Variants in IKZF3 observed in about 807,000 individuals in gnomAD.
The protein encoded by IKZF3 is zinc finger protein Aiolos.
In IKZF3, 10 loss-of-function variants were observed where a neutral mutation model predicts 49.0. The observed-to-expected ratio is 0.20, with a 90% confidence interval of 0.13 to 0.35. IKZF3 has a LOEUF of 0.35. Ranked by LOEUF, IKZF3 falls within the 10% of genes least tolerant of loss-of-function variation. IKZF3 has a pLI of 1.00. For missense variants in IKZF3, 498 were observed against 664.8 expected, an observed-to-expected ratio of 0.75 and a Z score of 2.76; for synonymous variants, 209 against 228.2, an observed-to-expected ratio of 0.92 and a Z score of 0.76.
chr17:39,855,463 C>G (rs932791556), intron 1 of IKZF3, among the ~76,000 whole-genome samples: 1 of 152,150 alleles, frequency 6.6e-6, no homozygotes, highest in East Asian at 1.9e-4. Context: ...AATTGGATTA[C>G]GTGTAAAAAT....
Position 39,783,952 on chromosome 17 carries a change from CA to C in IKZF3, c.709+4305del, listed in dbSNP as rs200517680. ...TCAAAACAAAAAACAAAAAACAAAA[CA>C]AAAAAAAATAGGTTGGGAAAACAAA... is the stretch of plus-strand genomic sequence containing the variant. On this transcript the variant is annotated intron_variant, in intron 6 of 7. Coordinates refer to ENST00000346872, the MANE Select transcript of IKZF3 (RefSeq NM_012481.5). 9.4e-5 allele frequency among the ~76,000 whole-genome samples: 14 copies of C among 149,710 alleles called. No individual in the cohort carries two copies. In the South Asian group the frequency reaches 1.1e-3, roughly 11 times the overall value.
chr17:39,809,118 T>C lies in IKZF3; in HGVS notation c.164-16185A>G, dbSNP rs531671015. Among the ~76,000 whole-genome samples, 10 of 152,356 alleles carry C rather than the reference T, an allele frequency of 6.6e-5. No homozygotes were observed. In the South Asian group the frequency reaches 1.9e-3, roughly 28 times the overall value. ...CACCAGACTGATGAATATAGTGAAA[T>C]ATCTATCGTGATCCCATTTTTACTT... On this transcript the variant is annotated intron_variant, in intron 3 of 7. Coordinates refer to ENST00000346872, the MANE Select transcript of IKZF3 (RefSeq NM_012481.5).
rs1052958626 is a variant in IKZF3, at chr17:39,803,817, T to C, written c.164-10884A>G. On this transcript the variant is annotated intron_variant, in intron 3 of 7. Coordinates refer to ENST00000346872, the MANE Select transcript of IKZF3 (RefSeq NM_012481.5). Reference sequence around the variant, plus strand: ...CGTGAGCCACCGCGCCCAGCCACTCTATCTTTTTTAAAAACAGGAATGAAA... The same window carrying C: ...CGTGAGCCACCGCGCCCAGCCACTCCATCTTTTTTAAAAACAGGAATGAAA... 2.0e-5 allele frequency among the ~76,000 whole-genome samples: 3 copies of C among 152,180 alleles called. No homozygotes were observed. In the South Asian group the frequency reaches 6.2e-4, roughly 32 times the overall value.
chr17:39,770,572 A>G (rs1023327134), intron 7 of IKZF3, among the ~76,000 whole-genome samples: 6 of 152,068 alleles, frequency 3.9e-5, no homozygotes, highest in African/African-American at 1.4e-4. Flanking sequence ...TAGAGCTAAA[A>G]GGGCCCTTAA....
intron 6 of IKZF3, chr17:39,778,234 C>T: frequency 2.1e-6 from 2 of 954,890 alleles, no homozygotes; most frequent in Non-Finnish European, 2.5e-6. Flanking sequence ...AATAGGTACA[C>T]TCACACAGAT....
intron 1 of IKZF3, among the ~76,000 whole-genome samples, chr17:39,843,517 TAC>T (rs1173902185): frequency 2.6e-5 from 4 of 152,016 alleles, no homozygotes; most frequent in Non-Finnish European, 4.4e-5. Context: ...TTTTAGTCAC[TAC>T]ACAGAAAGAT....
At chr17:39,810,541 A>G (rs1472093310) in intron 3 of IKZF3, among the ~76,000 whole-genome samples, 2 of 151,030 alleles carry the variant, frequency 1.3e-5, no homozygotes, top group Non-Finnish European at 2.9e-5. Flanking sequence ...CACTACCCCC[A>G]TGGAATTTTC....
At chr17:39,811,971 A>G (rs2061570573) in intron 3 of IKZF3, among the ~76,000 whole-genome samples, 1 of 152,210 alleles carries the variant, frequency 6.6e-6, no homozygotes, top group Non-Finnish European at 1.5e-5. Context: ...CACTTCTCAG[A>G]CAAGAGCAAG....
intron 1 of IKZF3, among the ~76,000 whole-genome samples, chr17:39,857,500 C>T (rs188057035): frequency 6.6e-6 from 1 of 152,062 alleles, no homozygotes; most frequent in Non-Finnish European, 1.5e-5. Flanking sequence ...AAAAAATGTA[C>T]CAAAATTATT....
intron 7 of IKZF3, 58 bp downstream of exon 7, chr17:39,777,593 A>G (rs997578772): frequency 5.8e-6 from 7 of 1,203,572 alleles, no homozygotes; most frequent in Admixed American, 1.8e-5. Flanking sequence ...CAAGCATCCT[A>G]TGTTATTTCA....
At chr17:39,842,921 G>A (rs2062521758) in intron 1 of IKZF3, among the ~76,000 whole-genome samples, 1 of 152,194 alleles carries the variant, frequency 6.6e-6, no homozygotes, top group African/African-American at 2.4e-5. Flanking sequence ...TTCTGATAGT[G>A]AGTAGAACAC....
At chr17:39,830,183 G>C (rs999261143) in intron 2 of IKZF3, among the ~76,000 whole-genome samples, 1 of 152,146 alleles carries the variant, frequency 6.6e-6, no homozygotes, top group Admixed American at 6.5e-5. Context: ...AACCTAATTT[G>C]GGAAAGATGC....
At chr17:39,815,387 C>A (rs549240635) in intron 3 of IKZF3, among the ~76,000 whole-genome samples, 1 of 152,330 alleles carries the variant, frequency 6.6e-6, no homozygotes, top group South Asian at 2.1e-4. Context: ...TCCACCATCT[C>A]GAGTCTTATC....
At chr17:39,770,892 G>A (rs71369788) in intron 7 of IKZF3, among the ~76,000 whole-genome samples, 11,571 of 150,510 alleles carry the variant, frequency 0.077, 819 homozygotes, top group African/African-American at 0.19. Context: ...TGCAACCTCC[G>A]TCTCCTGGGT....
chr17:39,835,843 T>G (rs1029052468), intron 1 of IKZF3: 1 of 580,622 alleles, frequency 1.7e-6, no homozygotes. Flanking sequence ...TTATTCTCCA[T>G]CTCTGTATGC....
chr17:39,850,377 A>G (rs2062783506), intron 1 of IKZF3, among the ~76,000 whole-genome samples: 1 of 136,008 alleles, frequency 7.4e-6, no homozygotes, highest in Non-Finnish European at 1.5e-5. Context: ...ATATATGTAT[A>G]TATAATATAT....
chr17:39,775,510 CTTTTA>C (rs750875651), intron 7 of IKZF3, among the ~76,000 whole-genome samples: 7 of 152,186 alleles, frequency 4.6e-5, no homozygotes, highest in Non-Finnish European at 8.8e-5. Context: ...ACCAAAGCAA[CTTTTA>C]TTATATTAAG....
intron 3 of IKZF3, among the ~76,000 whole-genome samples, chr17:39,815,195 A>T (rs966564739): frequency 1.3e-5 from 2 of 152,212 alleles, no homozygotes; most frequent in Admixed American, 1.3e-4. Flanking sequence ...TCTATTTTCT[A>T]AGTGGGAAAT....
At chr17:39,820,433 G>A (rs1026851796) in intron 3 of IKZF3, among the ~76,000 whole-genome samples, 2 of 152,176 alleles carry the variant, frequency 1.3e-5, no homozygotes, top group East Asian at 1.9e-4. Flanking sequence ...AATGCTATTA[G>A]AGACTATCTT....
Sources: allele counts gnomAD v4.1 joint callset (sites outside exome capture counted in the v4.1 genomes callset), GRCh38; gene constraint gnomAD v4.1.1; transcripts MANE v1.5; gene names NCBI Gene and HGNC (gene_info 2026-07-23, HGNC 2026-07-21).